SGIP1: variants seen among roughly 807,000 people sequenced by gnomAD.
SGIP1 encodes SH3-containing GRB2-like protein 3-interacting protein 1.
SGIP1 carries 38 observed loss-of-function variants against 107.5 expected under a neutral mutation model. The ratio of observed to expected loss-of-function variants is 0.35; its 90% CI spans 0.27 to 0.46. The LOEUF (loss-of-function observed/expected upper bound fraction) is 0.46, where lower values mean the gene tolerates loss of function less well. SGIP1 is among the 20% of genes least tolerant of loss of function. The probability of loss-of-function intolerance (pLI) is 1.00; values close to 1 mark genes in which losing one functional copy is unlikely to be tolerated. For synonymous variants in SGIP1, 365 were observed against 366.1 expected, an observed-to-expected ratio of 1.00 and a Z score of 0.03; for missense variants, 929 against 1,019.5, an observed-to-expected ratio of 0.91 and a Z score of 1.21.
intron 5 of SGIP1, among the ~76,000 whole-genome samples, chr1:66,641,046 A>C (rs1205238612): frequency 6.6e-6 from 1 of 152,164 alleles, no homozygotes; most frequent in Non-Finnish European, 1.5e-5. Context: ...AAAGAAAAAG[A>C]AGTCAAATAC....
At chr1:66,727,002 T>C (rs2093786243) in intron 19 of SGIP1, among the ~76,000 whole-genome samples, 1 of 152,128 alleles carries the variant, frequency 6.6e-6, no homozygotes, top group Admixed American at 6.5e-5. Context: ...AATGAAACTT[T>C]TGTGACCTTC....
intron 4 of SGIP1, among the ~76,000 whole-genome samples, chr1:66,637,024 G>C (rs1027235502): frequency 1.4e-5 from 2 of 144,180 alleles, no homozygotes; most frequent in African/African-American, 5.4e-5. Context: ...TGTTAAGGTA[G>C]GATTTTTGAA....
At chr1:66,690,907 T>C (rs1291636229) in intron 17 of SGIP1, among the ~76,000 whole-genome samples, 5 of 152,180 alleles carry the variant, frequency 3.3e-5, no homozygotes, top group African/African-American at 1.2e-4. Flanking sequence ...CCTTTATGCC[T>C]CTTTCCTTAT....
Position 66,707,792 on chromosome 1 carries a change from C to CT in SGIP1, c.1631-11494dup, listed in dbSNP as rs951419353. Reference sequence around the variant, plus strand: ...AGCCTGTAGATTAGTGCTTCTCAAACTTTTTTTTCATTATCCCTCTTTCCT... The same window carrying CT: ...AGCCTGTAGATTAGTGCTTCTCAAACTTTTTTTTTCATTATCCCTCTTTCCT... On this transcript the variant is annotated intron_variant, in intron 18 of 24. Transcript: ENST00000371037. Among the ~76,000 whole-genome samples, 4 of 152,038 alleles carry CT rather than the reference C, an allele frequency of 2.6e-5. No homozygotes were observed. The South Asian group carries it at 6.2e-4, about 24-fold the overall frequency.
chr1:66,639,694 T>C, intron 4 of SGIP1, 83 bp from the exon 5 acceptor site: 1 of 1,127,288 alleles, frequency 8.9e-7, no homozygotes, highest in East Asian at 2.4e-5. Context: ...TTTTGCTAAA[T>C]GCAGATAAGA....
chr1:66,661,059 A>C (rs982677738), intron 8 of SGIP1, among the ~76,000 whole-genome samples: 1 of 152,172 alleles, frequency 6.6e-6, no homozygotes, highest in Non-Finnish European at 1.5e-5. Flanking sequence ...TATAAAATGT[A>C]AATTACCTCC....
chr1:66,602,461 C>G (rs865961073), intron 1 of SGIP1, among the ~76,000 whole-genome samples: 1 of 152,030 alleles, frequency 6.6e-6, no homozygotes, highest in Non-Finnish European at 1.5e-5. Flanking sequence ...TTCTGAACCC[C>G]GGGAACTTCT....
intron 1 of SGIP1, among the ~76,000 whole-genome samples, chr1:66,610,792 ATATT>A (rs1390522598): frequency 1.3e-5 from 2 of 152,152 alleles, no homozygotes; most frequent in African/African-American, 4.8e-5. Flanking sequence ...TTTCTCAAAA[ATATT>A]TATTGCATGA....
At position 66,643,766 on chromosome 1, in the gene SGIP1, G is replaced by A. The variant is rs1157630660; in HGVS notation, c.459+47G>A. ...GTTAAGCTTTAGTGAGATTGAACAG[G>A]GCTATGTTCTGCCTATATGCATTAA... On this transcript the variant is annotated intron_variant, in intron 7 of 24. Coordinates refer to ENST00000371037, the MANE Select transcript of SGIP1 (RefSeq NM_032291.4). 3 of 1,521,860 alleles carry A rather than the reference G, an allele frequency of 2.0e-6. No individual in the cohort carries two copies. The Admixed American group carries it at 6.8e-5, about 34-fold the overall frequency. The allele number at this position is 1,521,860 out of a possible 1,614,324, so 94.3% of individuals were successfully genotyped here. A position where few individuals can be genotyped will look rare whatever the true frequency, so the allele number is the denominator to read the frequency against.
At chr1:66,690,615 TA>T (rs2089607798) in intron 17 of SGIP1, 2 of 229,712 alleles carry the variant, frequency 8.7e-6, no homozygotes, top group African/African-American at 2.3e-5. Flanking sequence ...TCTTGTAATT[TA>T]GATATTATTT....
Position 66,746,337 on chromosome 1 carries a change from T to G in SGIP1, c.*3242T>G, listed in dbSNP as rs2094552698. On this transcript the variant is annotated 3_prime_UTR_variant, in exon 25 of 25. Transcript: ENST00000371037. ...AATAAAATTGCACATGGAATCCTGG[T>G]AGGCAAAACAGCTCAAAGCAATGCA... 6.6e-6 allele frequency: 1 copy of G among 152,128 alleles called. No homozygotes were observed. The highest frequency in any genetic ancestry group is 2.4e-5 in the African/African-American group (1 of 41,432). 9.4% of individuals were successfully genotyped at this position (152,128 alleles called of 1,614,324 possible). A position where few individuals can be genotyped will look rare whatever the true frequency, so the allele number is the denominator to read the frequency against.
At chr1:66,554,883 A>G (rs1023995829) in intron 1 of SGIP1, among the ~76,000 whole-genome samples, 4 of 152,168 alleles carry the variant, frequency 2.6e-5, no homozygotes, top group Admixed American at 6.5e-5. Context: ...TAAGGCACTC[A>G]TCTATACAAT....
intron 15 of SGIP1, among the ~76,000 whole-genome samples, chr1:66,684,812 T>C (rs928637947): frequency 6.6e-6 from 1 of 152,236 alleles, no homozygotes; most frequent in African/African-American, 2.4e-5. Flanking sequence ...AGAGTTTTGT[T>C]GTGATTTTAA....
rs888956240 is a variant in SGIP1 at position 66,733,898 on chromosome 1, A to T, written c.2031+18A>T. The T allele has an allele frequency of 6.2e-7, 1 of 1,606,896 alleles. No individual in the cohort carries two copies. Among genetic ancestry groups the T allele is most frequent in the Non-Finnish European group, 8.5e-7 (1 of 1,176,466 alleles). Reference sequence around the variant, plus strand: ...AATATCAGGTAAGCCTATTTACATGATCGGTATCTCTTCCACATGACATAT... The same window carrying T: ...AATATCAGGTAAGCCTATTTACATGTTCGGTATCTCTTCCACATGACATAT... On this transcript the variant is annotated intron_variant, in intron 21 of 24. Coordinates refer to ENST00000371037, the MANE Select transcript of SGIP1 (RefSeq NM_032291.4).
chr1:66,724,986 T>G (rs2093692479), intron 19 of SGIP1, among the ~76,000 whole-genome samples: 1 of 152,024 alleles, frequency 6.6e-6, no homozygotes, highest in Admixed American at 6.6e-5. Context: ...ATATCAAGAG[T>G]AGACTCAGCT....
chr1:66,648,486 G>A (rs926252543), intron 7 of SGIP1, among the ~76,000 whole-genome samples: 2 of 152,104 alleles, frequency 1.3e-5, no homozygotes, highest in Non-Finnish European at 2.9e-5. Context: ...ACCATCCACT[G>A]ATAACACCCT....
At chr1:66,656,551 A>C (rs1314070944) in intron 7 of SGIP1, among the ~76,000 whole-genome samples, 2 of 152,130 alleles carry the variant, frequency 1.3e-5, no homozygotes, top group South Asian at 2.1e-4. Flanking sequence ...AAATTTTTCA[A>C]CTCTGTCATA....
At chr1:66,574,544 C>A (rs1009760167) in intron 1 of SGIP1, among the ~76,000 whole-genome samples, 3 of 152,090 alleles carry the variant, frequency 2.0e-5, no homozygotes, top group Non-Finnish European at 2.9e-5. Flanking sequence ...TGTTTTTGAT[C>A]CATTAAGGGA....
chr1:66,631,012 G>T (rs1445463608), intron 2 of SGIP1, among the ~76,000 whole-genome samples: 1 of 133,336 alleles, frequency 7.5e-6, no homozygotes, highest in Non-Finnish European at 1.6e-5. Flanking sequence ...AGGAAAGGAA[G>T]GAAGGGAAAG....
Sources: allele counts gnomAD v4.1 joint callset (sites outside exome capture counted in the v4.1 genomes callset), GRCh38; gene constraint gnomAD v4.1.1; transcripts MANE v1.5; gene names NCBI Gene and HGNC (gene_info 2026-07-23, HGNC 2026-07-21).